The following AIDA variants were observed in gnomAD, a reference collection of about 807,000 sequenced individuals.
AIDA encodes the protein axin interactor, dorsalization associated.
A neutral mutation model predicts 42.7 loss-of-function variants in AIDA; 18 were observed. That is an observed-to-expected ratio of 0.42 (90% CI 0.29 to 0.63). The LOEUF (loss-of-function observed/expected upper bound fraction) is 0.63, where lower values mean the gene tolerates loss of function less well. Among genes scored for constraint, AIDA ranks in the 20% least tolerant of loss-of-function variants. AIDA has a pLI of 0.19. For missense variants in AIDA, 250 were observed against 354.1 expected (o/e 0.71, Z 2.36); for synonymous variants, 104 against 122.9 (o/e 0.85, Z 1.02).
At chr1:222,711,347 G>T (rs978576384) in intron 1 of AIDA, 3 of 152,144 alleles carry the variant, frequency 2.0e-5, no homozygotes, top group Admixed American at 2.0e-4. Context: ...CAAGAAATTG[G>T]TCTTAGGTTG....
chr1:222,694,637 C>T (rs905121601), intron 2 of AIDA, among the ~76,000 whole-genome samples: 1 of 152,156 alleles, frequency 6.6e-6, no homozygotes, highest in Non-Finnish European at 1.5e-5. Context: ...AAAGTTAGCA[C>T]AATGGTATAA....
intron 6 of AIDA, among the ~76,000 whole-genome samples, chr1:222,681,020 T>C (rs1056056007): frequency 2.6e-5 from 4 of 151,936 alleles, no homozygotes; most frequent in African/African-American, 9.7e-5. Context: ...TGTGATAAAC[T>C]ATAAAAAAAA....
At chr1:222,683,664 AG>A (rs1466034792) in intron 6 of AIDA, among the ~76,000 whole-genome samples, 1 of 152,172 alleles carries the variant, frequency 6.6e-6, no homozygotes, top group African/African-American at 2.4e-5. Context: ...CTATTTTTAA[AG>A]TTATATTGCT....
At chr1:222,670,549 T>C (rs1398404603) in intron 8 of AIDA, among the ~76,000 whole-genome samples, 3 of 152,178 alleles carry the variant, frequency 2.0e-5, no homozygotes, top group Non-Finnish European at 4.4e-5. Context: ...AATCATAAGC[T>C]GCTATAAAAT....
In AIDA at chr1:222,669,727, T is replaced by G. The variant is rs1664410476; in HGVS notation, c.*166A>C. The G allele has an allele frequency of 2.5e-6, 2 of 799,678 alleles. No individual in the cohort carries two copies. Among genetic ancestry groups the G allele is most frequent in the South Asian group, 3.9e-5 (2 of 51,494 alleles). The allele number at this position is 799,678 out of a possible 1,614,324, so 49.5% of individuals were successfully genotyped here. ...AGTCCTATACGTCAGTGTGATGTGC[T>G]GGACTCTGAATTCTGTGGTACAGCT... On this transcript the variant is annotated 3_prime_UTR_variant, in exon 10 of 10. Coordinates refer to ENST00000340020, the MANE Select transcript of AIDA (RefSeq NM_022831.4).
At chr1:222,681,887 C>A (rs889857484) in intron 6 of AIDA, among the ~76,000 whole-genome samples, 2 of 152,112 alleles carry the variant, frequency 1.3e-5, no homozygotes, top group African/African-American at 4.8e-5. Flanking sequence ...CAGAGAAAAG[C>A]GGAGGAACAT....
chr1:222,677,651 T>C (rs1048312403), intron 6 of AIDA, among the ~76,000 whole-genome samples: 1 of 152,196 alleles, frequency 6.6e-6, no homozygotes, highest in African/African-American at 2.4e-5. Context: ...GAAAAATTTT[T>C]CTGCATCTCT....
At position 222,703,158 on chromosome 1, in the gene AIDA, T is replaced by C; in HGVS notation, c.170A>G (p.Glu57Gly). The change falls in exon 2 of 10, where the codon GAA (glutamate) becomes GGA (glycine). Residue 57 changes from glutamate to glycine, a missense_variant. Transcript: ENST00000340020. ...QAQHNNSEFT[E>G]EQKKTIGKIA... ...ATTATTTTATGGTACCTTTTGTTCT[T>C]CTGTGAATTCAGAATTATTGTGTTG... 1.9e-6 allele frequency: 3 copies of C among 1,606,384 alleles called. No individual in the cohort carries two copies. The highest frequency in any genetic ancestry group is 2.5e-6 in the Non-Finnish European group (3 of 1,177,278).
intron 1 of AIDA, 167 bp downstream of exon 1, chr1:222,712,041 G>A (rs972828836): frequency 2.9e-5 from 30 of 1,026,206 alleles, no homozygotes; most frequent in Non-Finnish European, 4.0e-5. Flanking sequence ...GTTGTCCCTA[G>A]AGCAGCCTCG....
At chr1:222,700,869 A>G (rs1655671235) in intron 2 of AIDA, among the ~76,000 whole-genome samples, 1 of 151,984 alleles carries the variant, frequency 6.6e-6, no homozygotes, top group Admixed American at 6.6e-5. Flanking sequence ...AGCTTTATCA[A>G]ACACCAGCTT....
intron 6 of AIDA, among the ~76,000 whole-genome samples, chr1:222,683,256 T>C (rs893036222): frequency 6.6e-6 from 1 of 152,178 alleles, no homozygotes; most frequent in Non-Finnish European, 1.5e-5. Context: ...CCCCTAAACA[T>C]GTTCTGGATT....
intron 1 of AIDA, among the ~76,000 whole-genome samples, chr1:222,705,971 A>C (rs1206541716): frequency 2.0e-5 from 3 of 152,250 alleles, no homozygotes; most frequent in Non-Finnish European, 4.4e-5. Context: ...AAGATCACTT[A>C]GAATTCAATA....
Position 222,669,711 on chromosome 1 carries a change from C to G in AIDA, c.*182G>C, listed in dbSNP as rs978200425. 1.4e-6 allele frequency: 1 copy of G among 731,010 alleles called. No homozygotes were observed. The highest frequency in any genetic ancestry group is 1.8e-5 in the African/African-American group (1 of 54,216). 45.3% of individuals were successfully genotyped at this position (731,010 alleles called of 1,614,324 possible). Reference sequence around the variant, plus strand: ...AACCTGTATCCCAAGGAGTCCTATACGTCAGTGTGATGTGCTGGACTCTGA... The same window carrying G: ...AACCTGTATCCCAAGGAGTCCTATAGGTCAGTGTGATGTGCTGGACTCTGA... On this transcript the variant is annotated 3_prime_UTR_variant, in exon 10 of 10. Coordinates refer to ENST00000340020, the MANE Select transcript of AIDA (RefSeq NM_022831.4).
Position 222,684,336 on chromosome 1 carries a change from T to C in AIDA, c.460+2594A>G, listed in dbSNP as rs187086824. ...CATGTTGGCCAGGCTGGTCTCGAAC[T>C]CCTGACCTCAGGTGATTCACCTGCC... On this transcript the variant is annotated intron_variant, in intron 6 of 9. Transcript: ENST00000340020. 1.6e-3 allele frequency among the ~76,000 whole-genome samples: 238 copies of C among 152,236 alleles called. 1 individual carries two copies. The highest frequency in any genetic ancestry group is 2.3e-3 in the Non-Finnish European group (155 of 68,012).
chr1:222,706,292 T>C (rs989324049), intron 1 of AIDA, among the ~76,000 whole-genome samples: 3 of 152,172 alleles, frequency 2.0e-5, no homozygotes, highest in Non-Finnish European at 4.4e-5. Flanking sequence ...CATAAATTTA[T>C]CATATGACCC....
chr1:222,693,026 G>A (rs1338720110), intron 4 of AIDA, among the ~76,000 whole-genome samples: 2 of 152,044 alleles, frequency 1.3e-5, no homozygotes, highest in African/African-American at 4.8e-5. Flanking sequence ...GTGAAACAGA[G>A]CAAATCATTT....
Position 222,668,680 on chromosome 1 carries a change from C to T in AIDA, c.*1213G>A, listed in dbSNP as rs1350150329. ...AGTTTAAAAATAGGCCAGGTACTGA[C>T]ACTGCATTCCCCTCATGCATTGCTC... is the stretch of plus-strand genomic sequence containing the variant. On this transcript the variant is annotated 3_prime_UTR_variant, in exon 10 of 10. Coordinates refer to ENST00000340020, the MANE Select transcript of AIDA (RefSeq NM_022831.4). The T allele has an allele frequency of 9.0e-6, 1 of 110,852 alleles. No individual in the cohort carries two copies. Among genetic ancestry groups the T allele is most frequent in the Admixed American group, 1.0e-4 (1 of 9,794 alleles). The allele number at this position is 110,852 out of a possible 1,614,324, so 6.9% of individuals were successfully genotyped here. A position where few individuals can be genotyped will look rare whatever the true frequency, so the allele number is the denominator to read the frequency against.
chr1:222,688,008 A>AT (rs755202166), intron 4 of AIDA, among the ~76,000 whole-genome samples: 1 of 152,066 alleles, frequency 6.6e-6, no homozygotes, highest in Non-Finnish European at 1.5e-5. Context: ...TAGTACTTTA[A>AT]TTAAAAGATT....
At chr1:222,678,149 T>A (rs954993172) in intron 6 of AIDA, among the ~76,000 whole-genome samples, 11 of 151,996 alleles carry the variant, frequency 7.2e-5, no homozygotes, top group Middle Eastern at 3.2e-3. Flanking sequence ...TTTTATCATA[T>A]GTAAAGTTGA....
Sources: allele counts gnomAD v4.1 joint callset (sites outside exome capture counted in the v4.1 genomes callset), GRCh38; gene constraint gnomAD v4.1.1; transcripts MANE v1.5; gene names NCBI Gene and HGNC (gene_info 2026-07-23, HGNC 2026-07-21).